Variants in KIF13B observed in about 807,000 individuals in gnomAD.
The protein encoded by KIF13B is kinesin family member 13B, also known as kinesin-like protein KIF13B.
Under a neutral mutation model 222.0 loss-of-function variants are expected in KIF13B, and 127 were observed. The ratio of observed to expected loss-of-function variants is 0.57; its 90% CI spans 0.50 to 0.66. KIF13B has a LOEUF of 0.66. Ranked by LOEUF, KIF13B falls within the 30% of genes least tolerant of loss-of-function variation. KIF13B has a pLI of 0.00. For missense variants in KIF13B, 2,173 were observed against 2,379.0 expected (o/e 0.91, Z 1.80); for synonymous variants, 976 against 919.0 (o/e 1.06, Z -1.12).
chr8:29,122,256 A>C (rs975456614), intron 29 of KIF13B, among the ~76,000 whole-genome samples: 1 of 152,112 alleles, frequency 6.6e-6, no homozygotes, highest in Admixed American at 6.6e-5. Flanking sequence ...TCTGTCTCAA[A>C]AAATAAATAA....
At chr8:29,151,686 T>A (rs1811302895) in intron 14 of KIF13B, among the ~76,000 whole-genome samples, 1 of 152,210 alleles carries the variant, frequency 6.6e-6, no homozygotes, top group African/African-American at 2.4e-5. Flanking sequence ...TGTTGAGACC[T>A]AATGCTCAGA....
intron 38 of KIF13B, 103 bp downstream of exon 38, chr8:29,075,178 G>C: frequency 1.2e-6 from 1 of 859,860 alleles, no homozygotes; most frequent in Non-Finnish European, 1.9e-6. Context: ...ACCAAAACAG[G>C]AATGCTAACA....
At position 29,204,511 on chromosome 8, in the gene KIF13B, G is replaced by C. The variant is rs372949352; in HGVS notation, c.150-8312C>G. Among the ~76,000 whole-genome samples the C allele has an allele frequency of 9.9e-5, 15 of 152,124 alleles. No homozygotes were observed. The East Asian group carries it at 1.7e-3, about 18-fold the overall frequency. Reference sequence around the variant, plus strand: ...AGGATTGCTTGAGTCCAGCAGTTCAGGACCAACACTGCAAGACCCCCATCT... The same window carrying C: ...AGGATTGCTTGAGTCCAGCAGTTCACGACCAACACTGCAAGACCCCCATCT... On this transcript the variant is annotated intron_variant, in intron 2 of 39. Coordinates refer to ENST00000524189, the MANE Select transcript of KIF13B (RefSeq NM_015254.4).
At chr8:29,109,341 G>A (rs1194021240) in intron 34 of KIF13B, 93 bp downstream of exon 34, 3 of 976,728 alleles carry the variant, frequency 3.1e-6, no homozygotes, top group East Asian at 4.8e-5. Context: ...GGGTTTCGGA[G>A]ATGGGGTTTG....
At chr8:29,242,504 C>T (rs1815825867) in intron 2 of KIF13B, among the ~76,000 whole-genome samples, 3 of 152,134 alleles carry the variant, frequency 2.0e-5, no homozygotes, top group Admixed American at 2.0e-4. Context: ...ATCCCAAGAA[C>T]CGATCTAGAA....
chr8:29,231,399 C>T (rs1368626516), intron 2 of KIF13B, among the ~76,000 whole-genome samples: 1 of 152,188 alleles, frequency 6.6e-6, no homozygotes, highest in African/African-American at 2.4e-5. Context: ...TGGCTCCTCC[C>T]ACTGTGTCAT....
intron 2 of KIF13B, among the ~76,000 whole-genome samples, chr8:29,227,831 GC>G (rs1466438187): frequency 1.3e-5 from 2 of 151,894 alleles, no homozygotes; most frequent in Non-Finnish European, 2.9e-5. Context: ...CACGCCTGTA[GC>G]CCCAGCTACT....
chr8:29,094,527 A>T (rs1231985591), intron 36 of KIF13B, among the ~76,000 whole-genome samples: 3 of 152,266 alleles, frequency 2.0e-5, no homozygotes, highest in Non-Finnish European at 1.5e-5. Context: ...TGCAGAAGTA[A>T]TCTAGAGAAG....
At chr8:29,112,848 C>T (rs1040125199) in intron 32 of KIF13B, among the ~76,000 whole-genome samples, 1 of 152,190 alleles carries the variant, frequency 6.6e-6, no homozygotes, top group African/African-American at 2.4e-5. Flanking sequence ...CAAGCTTGTA[C>T]CAGGGATAAA....
chr8:29,138,804 G>C (rs4732906), intron 21 of KIF13B, among the ~76,000 whole-genome samples: 2 of 152,032 alleles, frequency 1.3e-5, no homozygotes, highest in South Asian at 2.1e-4. Context: ...AAGAGAAAGC[G>C]AGCGAGTGAG....
At chr8:29,215,081 C>G (rs1426837778) in intron 2 of KIF13B, among the ~76,000 whole-genome samples, 2 of 152,118 alleles carry the variant, frequency 1.3e-5, no homozygotes, top group African/African-American at 4.8e-5. Flanking sequence ...GGTGGCTCCA[C>G]GCTCCCTGCA....
intron 36 of KIF13B, among the ~76,000 whole-genome samples, chr8:29,094,764 C>A (rs917156677): frequency 8.6e-5 from 13 of 151,974 alleles, no homozygotes; most frequent in South Asian, 2.1e-4. Flanking sequence ...TTAACCAAGT[C>A]CAAAGATGCA....
chr8:29,246,009 C>T (rs567335017), intron 1 of KIF13B, among the ~76,000 whole-genome samples: 3 of 152,130 alleles, frequency 2.0e-5, no homozygotes, highest in African/African-American at 4.8e-5. Context: ...TCCGAAACAC[C>T]GTTGAAAGAA....
intron 13 of KIF13B, among the ~76,000 whole-genome samples, chr8:29,158,819 C>T (rs1811646138): frequency 6.6e-6 from 1 of 151,278 alleles, no homozygotes. Context: ...AACACCTCCA[C>T]ACAAGATGAC....
chr8:29,200,041 A>T (rs909331795), intron 2 of KIF13B, among the ~76,000 whole-genome samples: 11 of 152,226 alleles, frequency 7.2e-5, no homozygotes, highest in African/African-American at 2.7e-4. Flanking sequence ...ATTCAATAAC[A>T]TATGACACAT....
intron 24 of KIF13B, among the ~76,000 whole-genome samples, chr8:29,129,960 A>T (rs745430320): frequency 1.3e-5 from 2 of 152,246 alleles, no homozygotes; most frequent in Non-Finnish European, 2.9e-5. Flanking sequence ...GACAGCCAGG[A>T]CACTAGAGAG....
chr8:29,152,562 T>C (rs1268876839), intron 14 of KIF13B, among the ~76,000 whole-genome samples: 1 of 152,114 alleles, frequency 6.6e-6, no homozygotes, highest in Admixed American at 6.6e-5. Context: ...GCAGAAAGGC[T>C]ACCCCCTGCT....
rs1807100428 is a variant in KIF13B, at chr8:29,068,487, T to C, written c.*2017A>G. The C allele has an allele frequency of 6.6e-6, 1 of 150,864 alleles. No homozygotes were observed. The highest frequency in any genetic ancestry group is 6.7e-5 in the Admixed American group (1 of 15,014). The allele number at this position is 150,864 out of a possible 1,614,324, so 9.3% of individuals were successfully genotyped here. On this transcript the variant is annotated 3_prime_UTR_variant, in exon 40 of 40. Coordinates refer to ENST00000524189, the MANE Select transcript of KIF13B (RefSeq NM_015254.4). The surrounding 1 kb of genome is among the most constrained non-coding windows in gnomAD (Gnocchi z 4.4). ...AAATCCACCTGCTCAAGTCAGGAAC[T>C]CTGGCTCGTTCTACTCCACTGTAAG... is the stretch of plus-strand genomic sequence containing the variant.
intron 3 of KIF13B, among the ~76,000 whole-genome samples, chr8:29,194,523 A>G (rs1185900959): frequency 6.6e-6 from 1 of 152,180 alleles, no homozygotes; most frequent in African/African-American, 2.4e-5. Context: ...CCTCCTCTGC[A>G]CCACTAGGCT....
Sources: allele counts gnomAD v4.1 joint callset (sites outside exome capture counted in the v4.1 genomes callset), GRCh38; gene constraint gnomAD v4.1.1; non-coding constraint Gnocchi (gnomAD v3.1); transcripts MANE v1.5; gene names NCBI Gene and HGNC (gene_info 2026-07-23, HGNC 2026-07-21).